The following UBE3A variants were observed in gnomAD, a reference collection of about 807,000 sequenced individuals.
UBE3A encodes ubiquitin-protein ligase E3A.
In UBE3A, 6 loss-of-function variants were observed where a neutral mutation model predicts 83.4. That is an observed-to-expected ratio of 0.07 (90% CI 0.04 to 0.14). The LOEUF is 0.14. Ranked by LOEUF, UBE3A falls within the 10% of genes least tolerant of loss-of-function variation. The pLI is 1.00. For synonymous variants in UBE3A, 337 were observed against 355.4 expected (o/e 0.95, Z 0.58); for missense variants, 456 against 1,036.1 (o/e 0.44, Z 7.69).
intron 4 of UBE3A, among the ~76,000 whole-genome samples, chr15:25,377,512 T>C (rs1296254206): frequency 6.6e-6 from 1 of 152,042 alleles, no homozygotes; most frequent in Non-Finnish European, 1.5e-5. Context: ...CATGTAAAAA[T>C]AAAATGGAAA....
chr15:25,349,665 T>C (rs1438413740), intron 11 of UBE3A, among the ~76,000 whole-genome samples: 1 of 152,200 alleles, frequency 6.6e-6, no homozygotes, highest in Non-Finnish European at 1.5e-5. Context: ...TTACCATAGA[T>C]TTTAGCAACC....
intron 6 of UBE3A, among the ~76,000 whole-genome samples, chr15:25,366,621 T>C (rs1313730685): frequency 1.3e-5 from 2 of 152,208 alleles, no homozygotes; most frequent in Non-Finnish European, 2.9e-5. Context: ...CCCTGACTAA[T>C]TGGAACCAAG....
rs7165149 is a variant in UBE3A at position 25,405,430 on chromosome 15, A to C, written c.62+31T>G. ...AAGCAGTCTAGGGCAACTCAAAATA[A>C]GAACCACAGTCTCAACCAAGTTACA... On this transcript the variant is annotated intron_variant, in intron 4 of 12. Transcript: ENST00000648336. 1,682 of 1,613,066 alleles carry C rather than the reference A, an allele frequency of 1.0e-3. 14 individuals carry two copies. In the African/African-American group the frequency reaches 0.02, roughly 19 times the overall value.
Position 25,355,882 on chromosome 15 carries a change from CATTT to C in UBE3A, c.2124+6_2124+9del, listed in dbSNP as rs756899000. 4.4e-6 allele frequency: 7 copies of C among 1,608,872 alleles called. No homozygotes were observed. Among genetic ancestry groups the C allele is most frequent in the African/African-American group, 4.0e-5 (3 of 74,676 alleles). The stretch of plus-strand genomic sequence containing the variant: ...GAAGAGACAAAATGTGACATAAAAA[CATTT>C]ATTACCTTCCTGTTTTCATTTGTAA... On this transcript the variant is annotated splice_donor_region_variant and intron_variant, in intron 9 of 12. Coordinates refer to ENST00000648336, the MANE Select transcript of UBE3A (RefSeq NM_130839.5).
intron 1 of UBE3A, among the ~76,000 whole-genome samples, chr15:25,434,060 T>G (rs751098569): frequency 6.6e-6 from 1 of 151,880 alleles, no homozygotes; most frequent in Non-Finnish European, 1.5e-5. Context: ...AGACCCTGTC[T>G]CTAAACAAAT....
intron 4 of UBE3A, among the ~76,000 whole-genome samples, chr15:25,376,325 C>G (rs192554380): frequency 6.6e-6 from 1 of 152,200 alleles, no homozygotes; most frequent in African/African-American, 2.4e-5. Flanking sequence ...AGTGGAATAT[C>G]CAAAGATAGT....
chr15:25,346,631 TCTA>T (rs891027726), intron 11 of UBE3A: 4 of 152,060 alleles, frequency 2.6e-5, no homozygotes, highest in African/African-American at 9.7e-5. Flanking sequence ...AATTACAAGT[TCTA>T]CTGTTTCAAA....
chr15:25,360,748 A>C (rs1394903841), intron 6 of UBE3A, among the ~76,000 whole-genome samples: 1 of 152,208 alleles, frequency 6.6e-6, no homozygotes, highest in Non-Finnish European at 1.5e-5. Flanking sequence ...GCATAGTAAA[A>C]AGCTAACTTT....
chr15:25,382,382 T>C (rs1461132126), intron 4 of UBE3A, among the ~76,000 whole-genome samples: 1 of 148,450 alleles, frequency 6.7e-6, no homozygotes, highest in Non-Finnish European at 1.5e-5. Context: ...ATATCCAGAA[T>C]GCGTGATATA....
At chr15:25,434,967 CAT>C (rs71418045) in intron 1 of UBE3A, among the ~76,000 whole-genome samples, 30 of 20,208 alleles carry the variant, frequency 1.5e-3, no homozygotes, top group African/African-American at 3.0e-3. Context: ...ATTCTATATA[CAT>C]ACACACACAC....
At chr15:25,428,214 G>A (rs1386936319) in intron 1 of UBE3A, among the ~76,000 whole-genome samples, 1 of 152,062 alleles carries the variant, frequency 6.6e-6, no homozygotes, top group East Asian at 1.9e-4. Flanking sequence ...AATTATGTAT[G>A]TATATTTAAC....
At chr15:25,380,051 T>G (rs1210827988) in intron 4 of UBE3A, among the ~76,000 whole-genome samples, 1 of 152,082 alleles carries the variant, frequency 6.6e-6, no homozygotes, top group Admixed American at 6.6e-5. Flanking sequence ...ATCTGAATCA[T>G]GGGGGCAGTT....
rs141491196 is a variant in UBE3A at position 25,419,649 on chromosome 15, A to G, written c.-164-7678T>C. Among the ~76,000 whole-genome samples, 872 of 152,284 alleles carry G rather than the reference A, an allele frequency of 5.7e-3. 7 individuals carry two copies. The highest frequency in any genetic ancestry group is 0.02 in the African/African-American group (838 of 41,580). ...AAAGGAATGTTATTCTTAGTTTTTA[A>G]GTTTCTTCGTAAGACAACTGGCCTT... On this transcript the variant is annotated intron_variant, in intron 1 of 12. Coordinates refer to ENST00000648336, the MANE Select transcript of UBE3A (RefSeq NM_130839.5).
chr15:25,339,074 A>AT lies in UBE3A; in HGVS notation c.*62dup. On this transcript the variant is annotated 3_prime_UTR_variant, in exon 13 of 13. Coordinates refer to ENST00000648336, the MANE Select transcript of UBE3A (RefSeq NM_130839.5). ...ATTTATCCCTCGTTATATTTTTAAA[A>AT]TTTTTTAAATTTTTTCTTTTTTTTT... The AT allele has an allele frequency of 2.0e-6, 3 of 1,463,990 alleles. No homozygotes were observed. Among genetic ancestry groups the AT allele is most frequent in the Non-Finnish European group, 2.7e-6 (3 of 1,112,064 alleles). The allele number at this position is 1,463,990 out of a possible 1,614,324, so 90.7% of individuals were successfully genotyped here. A position where few individuals can be genotyped will look rare whatever the true frequency, so the allele number is the denominator to read the frequency against.
At chr15:25,414,559 T>C (rs1295410244) in intron 1 of UBE3A, among the ~76,000 whole-genome samples, 4 of 152,118 alleles carry the variant, frequency 2.6e-5, no homozygotes, top group African/African-American at 7.2e-5. Context: ...AACCATTCTT[T>C]ATGAGGGACA....
At chr15:25,367,211 ATGTAAATATTTACATATT>A (rs372702695) in intron 6 of UBE3A, among the ~76,000 whole-genome samples, 8,145 of 104,464 alleles carry the variant, frequency 0.078, 558 homozygotes, top group East Asian at 0.37. Context: ...ATTTGTAAAT[ATGTAAATATTTACATATT>A]TGTAAATATG....
chr15:25,434,683 C>T (rs1376600347), intron 1 of UBE3A, among the ~76,000 whole-genome samples: 1 of 152,138 alleles, frequency 6.6e-6, no homozygotes, highest in Admixed American at 6.6e-5. Context: ...AACTATTCAT[C>T]CCAAAAGGTA....
chr15:25,430,090 TA>T lies in UBE3A; in HGVS notation c.-165+8398del, dbSNP rs1166807819. Among the ~76,000 whole-genome samples the T allele has an allele frequency of 1.8e-4, 17 of 95,266 alleles. 1 individual carries two copies. Among genetic ancestry groups the T allele is most frequent in the African/African-American group, 7.5e-4 (14 of 18,574 alleles). 62.5% of individuals were successfully genotyped at this position (95,266 alleles called of 152,430 possible). A position where few individuals can be genotyped will look rare whatever the true frequency, so the allele number is the denominator to read the frequency against. On this transcript the variant is annotated intron_variant, in intron 1 of 12. Transcript: ENST00000648336. The stretch of plus-strand genomic sequence containing the variant: ...TATATATAATACATATATATAAGAT[TA>T]TATATATATTATATATATAATACAT...
chr15:25,415,337 T>C (rs1455735512), intron 1 of UBE3A, among the ~76,000 whole-genome samples: 1 of 152,214 alleles, frequency 6.6e-6, no homozygotes, highest in African/African-American at 2.4e-5. Flanking sequence ...CACATTTTAT[T>C]TGAGGCCCCT....
Sources: gnomAD v4.1 joint callset for allele counts (sites outside exome capture counted in the v4.1 genomes callset) on GRCh38, gnomAD v4.1.1 for gene constraint, MANE v1.5 for transcripts, NCBI Gene and HGNC (gene_info 2026-07-23, HGNC 2026-07-21) for gene names.